KIZ: variants seen among roughly 807,000 people sequenced by gnomAD.
The protein encoded by KIZ is centrosomal protein kizuna.
Under a neutral mutation model 79.6 loss-of-function variants are expected in KIZ, and 68 were observed. That is an observed-to-expected ratio of 0.85 (90% CI 0.70 to 1.05). The LOEUF is 1.05. Among genes scored for constraint, KIZ ranks in the 50% least tolerant of loss-of-function variants. The pLI, the probability that KIZ is intolerant of heterozygous loss-of-function variation, is 0.00. For synonymous variants in KIZ, 280 were observed against 281.8 expected (o/e 0.99, Z 0.06); for missense variants, 797 against 800.4 (o/e 1.00, Z 0.05).
intron 9 of KIZ, among the ~76,000 whole-genome samples, chr20:21,227,492 T>C (rs964119885): frequency 5.3e-5 from 8 of 152,200 alleles, no homozygotes; most frequent in Non-Finnish European, 1.0e-4. Context: ...TGGACTTGTA[T>C]CTTGAGAGCT....
At chr20:21,139,152 T>C (rs2032375508) in intron 3 of KIZ, 1 of 151,844 alleles carries the variant, frequency 6.6e-6, no homozygotes, top group African/African-American at 2.4e-5. Flanking sequence ...ACAGTAATTA[T>C]TCTTTTTGTT....
chr20:21,215,477 A>AT (rs1271412850), intron 8 of KIZ, 106 bp from the exon 9 acceptor site: 12 of 563,178 alleles, frequency 2.1e-5, no homozygotes, highest in Non-Finnish European at 3.1e-5. Context: ...CAAGAAATAC[A>AT]TTAACCAAAA....
intron 6 of KIZ, chr20:21,195,396 T>A (rs1487640629): frequency 6.6e-6 from 1 of 152,266 alleles, no homozygotes; most frequent in African/African-American, 2.4e-5. Context: ...TGCCTTCTGT[T>A]GTCACCATTC....
intron 9 of KIZ, among the ~76,000 whole-genome samples, chr20:21,221,596 T>A (rs968121598): frequency 9.2e-5 from 14 of 152,310 alleles, no homozygotes; most frequent in African/African-American, 3.1e-4. Flanking sequence ...AGTGGTTGCC[T>A]GACTGTGCCA....
chr20:21,155,540 G>A (rs1315103963), intron 4 of KIZ, among the ~76,000 whole-genome samples: 1 of 152,126 alleles, frequency 6.6e-6, no homozygotes, highest in Non-Finnish European at 1.5e-5. Flanking sequence ...GGGAGGATGG[G>A]GAGTTACGCT....
chr20:21,147,134 CT>C (rs929556042), intron 4 of KIZ, among the ~76,000 whole-genome samples: 1 of 151,262 alleles, frequency 6.6e-6, no homozygotes, highest in African/African-American at 2.4e-5. Context: ...AAAACGGAAG[CT>C]TTTTTTTTCT....
rs570015722 is a variant in KIZ, at chr20:21,244,091, G to A, written c.1881-154G>A. The stretch of plus-strand genomic sequence containing the variant: ...TCCCGACAAGGCCACGCTGCATCCC[G>A]ATATTTTCCCTTTACTTTTAAACTC... On this transcript the variant is annotated intron_variant, in intron 11 of 12. Transcript: ENST00000619189. 5.3e-5 allele frequency among the ~76,000 whole-genome samples: 8 copies of A among 152,294 alleles called. No homozygotes were observed. The South Asian group carries it at 8.3e-4, about 16-fold the overall frequency.
At chr20:21,174,686 A>C (rs2034361067) in intron 6 of KIZ, among the ~76,000 whole-genome samples, 1 of 152,170 alleles carries the variant, frequency 6.6e-6, no homozygotes, top group Non-Finnish European at 1.5e-5. Flanking sequence ...CTGGAGTGTG[A>C]CTGAAAACAG....
At chr20:21,128,232 C>T (rs1242276817) in intron 1 of KIZ, among the ~76,000 whole-genome samples, 2 of 152,110 alleles carry the variant, frequency 1.3e-5, no homozygotes, top group African/African-American at 2.4e-5. Flanking sequence ...AGGCTGATCT[C>T]GAACCCCTGA....
At chr20:21,167,974 GGT>G (rs2034024412) in intron 6 of KIZ, among the ~76,000 whole-genome samples, 1 of 152,028 alleles carries the variant, frequency 6.6e-6, no homozygotes, top group Non-Finnish European at 1.5e-5. Context: ...ACAACATGCA[GGT>G]TAGTTACATA....
chr20:21,143,508 A>C (rs2032686196), intron 3 of KIZ, among the ~76,000 whole-genome samples: 1 of 152,238 alleles, frequency 6.6e-6, no homozygotes, highest in Admixed American at 6.5e-5. Context: ...ATCCTCCATC[A>C]ATCTGTTAAT....
intron 6 of KIZ, among the ~76,000 whole-genome samples, chr20:21,177,876 G>A (rs561216407): frequency 7.9e-5 from 12 of 152,168 alleles, no homozygotes; most frequent in Admixed American, 2.0e-4. Context: ...TCAAAGATCA[G>A]TTGACTGCAT....
At chr20:21,136,593 T>C in intron 3 of KIZ, 41 bp downstream of exon 3, 2 of 1,399,994 alleles carry the variant, frequency 1.4e-6, no homozygotes, top group Non-Finnish European at 1.9e-6. Flanking sequence ...TTATTTGTTG[T>C]TGTGTGTTTT....
intron 6 of KIZ, among the ~76,000 whole-genome samples, chr20:21,201,839 G>A (rs2035612401): frequency 6.6e-6 from 1 of 152,186 alleles, no homozygotes; most frequent in Admixed American, 6.5e-5. Context: ...GTATGTTTTT[G>A]TAGAGCCATG....
intron 6 of KIZ, among the ~76,000 whole-genome samples, chr20:21,171,899 C>G (rs1182776128): frequency 6.6e-6 from 1 of 152,216 alleles, no homozygotes; most frequent in Non-Finnish European, 1.5e-5. Context: ...TGTAGGTGCC[C>G]CAGTCCATAG....
At chr20:21,235,770 C>A (rs1345321052) in intron 11 of KIZ, among the ~76,000 whole-genome samples, 2 of 152,234 alleles carry the variant, frequency 1.3e-5, no homozygotes, top group South Asian at 2.1e-4. Flanking sequence ...AGTCACCCCG[C>A]CACTGTACCC....
At chr20:21,142,015 C>T (rs916294050) in intron 3 of KIZ, among the ~76,000 whole-genome samples, 1 of 151,252 alleles carries the variant, frequency 6.6e-6, no homozygotes. Context: ...AATCTGTCTT[C>T]TCCAGATCCT....
chr20:21,145,529 A>C, intron 3 of KIZ, 36 bp from the exon 4 acceptor site: 1 of 1,071,268 alleles, frequency 9.3e-7, no homozygotes. Context: ...AGTTGTAAAA[A>C]TATTTATCAC....
chr20:21,136,067 A>G (rs1165162678), intron 2 of KIZ, among the ~76,000 whole-genome samples: 1 of 152,250 alleles, frequency 6.6e-6, no homozygotes, highest in Non-Finnish European at 1.5e-5. Flanking sequence ...GAACATGTCC[A>G]CATAGACACT....
Sources: allele counts gnomAD v4.1 joint callset (sites outside exome capture counted in the v4.1 genomes callset), GRCh38; gene constraint gnomAD v4.1.1; transcripts MANE v1.5; gene names NCBI Gene and HGNC (gene_info 2026-07-23, HGNC 2026-07-21).